MZT2A: variants seen among roughly 807,000 people sequenced by gnomAD.
The protein encoded by MZT2A is mitotic-spindle organizing protein 2A.
Under a neutral mutation model 12.4 loss-of-function variants are expected in MZT2A, and 8 were observed. The ratio of observed to expected loss-of-function variants is 0.64; its 90% CI spans 0.38 to 1.16. The LOEUF is 1.16. Among genes scored for constraint, MZT2A ranks in the 50% most tolerant of loss-of-function variants. The pLI, the probability that MZT2A is intolerant of heterozygous loss-of-function variation, is 0.01. For synonymous variants in MZT2A, 88 were observed against 107.5 expected, an observed-to-expected ratio of 0.82 and a Z score of 1.12; for missense variants, 181 against 223.6, an observed-to-expected ratio of 0.81 and a Z score of 1.22.
intron 2 of MZT2A, chr2:131,490,639 C>T: frequency 6.5e-7 from 1 of 1,548,986 alleles, no homozygotes; most frequent in Non-Finnish European, 8.7e-7. Flanking sequence ...GCTGCTTGGG[C>T]CTCTTGGGGC....
chr2:131,474,405 CTTTTTTTTT>C (rs70994777), intron 2 of MZT2A, among the ~76,000 whole-genome samples: 18 of 94,846 alleles, frequency 1.9e-4, no homozygotes, highest in African/African-American at 4.2e-4. Flanking sequence ...TCTTCTTCTT[CTTTTTTTTT>C]TTTTTTTTTT....
chr2:131,470,592 C>T (rs1459588532), intron 3 of MZT2A, among the ~76,000 whole-genome samples: 1 of 152,264 alleles, frequency 6.6e-6, no homozygotes, highest in Non-Finnish European at 1.5e-5. Flanking sequence ...GACCCTGCAA[C>T]TGCATGGAGT....
chr2:131,492,501 CGG>C, upstream of MZT2A: 2 of 1,103,860 alleles, frequency 1.8e-6, no homozygotes, highest in Non-Finnish European at 2.2e-6. Context: ...GGCGGGAGCG[CGG>C]GGACGGGGCC....
At chr2:131,493,105 C>T, upstream of MZT2A, 1 of 1,494,228 alleles carries the variant, frequency 6.7e-7, no homozygotes, top group Non-Finnish European at 9.0e-7. Context: ...ATGGCGGCTT[C>T]CACCTCTGAA....
At chr2:131,472,260 A>G (rs1037708040) in intron 2 of MZT2A, 7 of 1,176,948 alleles carry the variant, frequency 5.9e-6, no homozygotes, top group Non-Finnish European at 7.8e-6. Flanking sequence ...TTGTTAGCTG[A>G]CTTATTGAAA....
chr2:131,478,543 C>G (rs2621995), intron 2 of MZT2A, among the ~76,000 whole-genome samples: 1 of 152,232 alleles, frequency 6.6e-6, no homozygotes, highest in Non-Finnish European at 1.5e-5. Context: ...GGTTCGTGAT[C>G]AAAGTGTCTG....
intron 2 of MZT2A, among the ~76,000 whole-genome samples, chr2:131,487,459 C>T (rs1353951873): frequency 6.6e-6 from 1 of 152,112 alleles, no homozygotes; most frequent in Non-Finnish European, 1.5e-5. Flanking sequence ...GCCTGGGTGA[C>T]AGAGCAAGAC....
At chr2:131,486,081 C>G (rs924806009) in intron 2 of MZT2A, among the ~76,000 whole-genome samples, 3 of 150,758 alleles carry the variant, frequency 2.0e-5, no homozygotes, top group African/African-American at 7.5e-5. Context: ...GCTTGTCACA[C>G]TTGGCTGAAC....
At chr2:131,478,395 C>T (rs1249985695) in intron 2 of MZT2A, 4 of 1,605,280 alleles carry the variant, frequency 2.5e-6, no homozygotes, top group Non-Finnish European at 3.4e-6. Context: ...CGGTAGGTGC[C>T]TGGGCACTGG....
At chr2:131,484,451 G>A (rs752090588) in intron 2 of MZT2A, among the ~76,000 whole-genome samples, 16 of 152,222 alleles carry the variant, frequency 1.1e-4, no homozygotes, top group Non-Finnish European at 2.1e-4. Context: ...TCCTAGGAGC[G>A]AAGCCACGCA....
exon 3 of MZT2A, chr2:131,472,086 C>G: frequency 7.7e-7 from 1 of 1,290,574 alleles, no homozygotes; most frequent in South Asian, 1.2e-5. Context: ...TGTCCTCCTT[C>G]TCCTGCCACA....
rs548861662 is a variant in MZT2A at position 131,491,340 on chromosome 2, C to T, written c.319+536G>A. On this transcript the variant is annotated intron_variant, in intron 2 of 2. Coordinates refer to ENST00000309451, the MANE Select transcript of MZT2A (RefSeq NM_001085365.2). ...GCAATCATCAGAGGCAGGAACTGGG[C>T]CCAGGTGGGGTAAAGGCAGGAAGAC... The T allele has an allele frequency of 5.9e-4, 165 of 280,060 alleles. 2 individuals carry two copies. Among genetic ancestry groups the T allele is most frequent in the Admixed American group, 5.7e-3 (117 of 20,542 alleles). The allele number at this position is 280,060 out of a possible 1,614,324, so 17.3% of individuals were successfully genotyped here. A position where few individuals can be genotyped will look rare whatever the true frequency, so the allele number is the denominator to read the frequency against.
intron 2 of MZT2A, chr2:131,490,031 C>T: frequency 1.1e-6 from 1 of 950,912 alleles, no homozygotes; most frequent in Non-Finnish European, 1.3e-6. Context: ...GCAGTCCATA[C>T]ACCCCTACTC....
At chr2:131,476,032 TC>T in intron 2 of MZT2A, 1 of 1,291,920 alleles carries the variant, frequency 7.7e-7, no homozygotes, top group Non-Finnish European at 1.1e-6. Context: ...AGAACTGGGA[TC>T]CGGCCCTCAG....
chr2:131,490,061 C>T (rs1479222412), intron 2 of MZT2A: 1 of 857,634 alleles, frequency 1.2e-6, no homozygotes, highest in Admixed American at 6.2e-5. Flanking sequence ...CCTTCAGGCC[C>T]TCTCCACCCT....
At chr2:131,471,304 TG>T (rs1203223637) in intron 3 of MZT2A, among the ~76,000 whole-genome samples, 4 of 140,700 alleles carry the variant, frequency 2.8e-5, no homozygotes, top group Non-Finnish European at 1.5e-5. Flanking sequence ...GCTTAAAATC[TG>T]CCCCATTTTA....
At chr2:131,492,511 G>A, upstream of MZT2A, 2 of 1,125,818 alleles carry the variant, frequency 1.8e-6, no homozygotes, top group African/African-American at 1.6e-5. Context: ...CGGGGACGGG[G>A]CCGCCTCCTC....
At chr2:131,481,140 G>T (rs1438762657), downstream of MZT2A, among the ~76,000 whole-genome samples, 2 of 152,028 alleles carry the variant, frequency 1.3e-5, no homozygotes, top group Non-Finnish European at 2.9e-5. Context: ...CTGACCTCAG[G>T]TGATCTGCCT....
In MZT2A at chr2:131,487,195, C is replaced by A. The variant is rs1474276686; in HGVS notation, c.320-2977G>T. 2.0e-5 allele frequency among the ~76,000 whole-genome samples: 3 copies of A among 152,186 alleles called. No individual in the cohort carries two copies. The East Asian group carries it at 5.8e-4, about 29-fold the overall frequency. Reference sequence around the variant, plus strand: ...CCACTGAATGTTAAAAACAGCCTGGCTCAGCAGGGGTCAGTGGCTCGTGCC... The same window carrying A: ...CCACTGAATGTTAAAAACAGCCTGGATCAGCAGGGGTCAGTGGCTCGTGCC... On this transcript the variant is annotated intron_variant, in intron 2 of 2. Transcript: ENST00000309451.
Sources: gnomAD v4.1 joint callset for allele counts (sites outside exome capture counted in the v4.1 genomes callset) on GRCh38, gnomAD v4.1.1 for gene constraint, MANE v1.5 for transcripts, NCBI Gene and HGNC (gene_info 2026-07-23, HGNC 2026-07-21) for gene names.